MED24: variants seen among roughly 807,000 people sequenced by gnomAD.
MED24 encodes mediator of RNA polymerase II transcription subunit 24.
In MED24, 74 loss-of-function variants were observed where a neutral mutation model predicts 118.8. The ratio of observed to expected loss-of-function variants is 0.62; its 90% CI spans 0.52 to 0.76. The LOEUF (loss-of-function observed/expected upper bound fraction) is 0.76, where lower values mean the gene tolerates loss of function less well. MED24 is among the 30% of genes least tolerant of loss of function. The pLI is 0.00. For missense variants in MED24, 1,041 were observed against 1,278.9 expected (o/e 0.81, Z 2.84); for synonymous variants, 521 against 523.9 (o/e 0.99, Z 0.08).
In MED24 at chr17:40,051,688, C is replaced by T. The variant is rs532775027; in HGVS notation, c.213+1610G>A. Among the ~76,000 whole-genome samples, 8 of 152,128 alleles carry T rather than the reference C, an allele frequency of 5.3e-5. No individual in the cohort carries two copies. The South Asian group carries it at 8.3e-4, about 16-fold the overall frequency. ...CTGCAATCCCAGCACTTTGGGAGGC[C>T]GAGGTGGGTGGATCACCTGAAGTCA... On this transcript the variant is annotated intron_variant, in intron 3 of 25. Transcript: ENST00000394128.
In MED24 at chr17:40,028,867, G is replaced by T. The variant is rs150608790; in HGVS notation, c.1368C>A (p.Ala456=). 3.1e-6 allele frequency: 5 copies of T among 1,613,918 alleles called. No homozygotes were observed. The highest frequency in any genetic ancestry group is 3.3e-4 in the Middle Eastern group (2 of 6,048). Residue 456 remains alanine, a synonymous_variant, in exon 14 of 26, where the codon GCC becomes GCA. Transcript: ENST00000394128. ...CGAAGGATTTCAGCTTTCCAGTGGC[G>T]GCGGCGGCAGCCAGCAGCAAGTCCA... The part of the protein sequence containing the change: ...KSLDLLLAAA[A]ATGKLKSFAR...
At chr17:40,034,173 G>C (rs1337424349) in intron 6 of MED24, among the ~76,000 whole-genome samples, 2 of 152,072 alleles carry the variant, frequency 1.3e-5, no homozygotes, top group African/African-American at 2.4e-5. Context: ...CCTCCATGGA[G>C]CATAAAAGGG....
intron 14 of MED24, 58 bp from the exon 15 acceptor site, chr17:40,028,004 C>T (rs1982903569): frequency 7.7e-6 from 12 of 1,556,572 alleles, no homozygotes; most frequent in East Asian, 4.5e-5. Context: ...AGTAGCTGGG[C>T]GCTGGGGCTA....
At position 40,019,618 on chromosome 17, in the gene MED24, TG is replaced by T. The variant is rs776530262; in HGVS notation, c.2880del (p.Met961CysfsTer53). 1.2e-6 allele frequency: 2 copies of T among 1,603,540 alleles called. No homozygotes were observed. Among genetic ancestry groups the T allele is most frequent in the Non-Finnish European group, 1.7e-6 (2 of 1,173,610 alleles). ...TTVSELVKVS[A>X]MSSPKVVLAI... ...GCCAGAACCACCTTGGGGCTGGACA[TG>T]GCTGACACCTTCACCAGTTCCGACA... On this transcript the variant is annotated frameshift_variant, in exon 26 of 26. Coordinates refer to ENST00000394128, the MANE Select transcript of MED24 (RefSeq NM_014815.4). LOFTEE classifies it high-confidence loss of function.
chr17:40,045,290 A>G (rs745450562), intron 3 of MED24, among the ~76,000 whole-genome samples: 1 of 151,960 alleles, frequency 6.6e-6, no homozygotes, highest in Admixed American at 6.6e-5. Context: ...CTCTACTAAA[A>G]ATAAAAAAAT....
At chr17:40,040,728 C>G (rs1479177793) in intron 3 of MED24, among the ~76,000 whole-genome samples, 1 of 151,722 alleles carries the variant, frequency 6.6e-6, no homozygotes, top group Non-Finnish European at 1.5e-5. Flanking sequence ...AAGCAATTCT[C>G]CTGCCTCAGC....
chr17:40,022,187 C>T (rs1192267203), intron 22 of MED24, 133 bp from the exon 23 acceptor site: 1 of 896,632 alleles, frequency 1.1e-6, no homozygotes, highest in Non-Finnish European at 1.7e-6. Flanking sequence ...CTGCTCAACC[C>T]CTCCCACAAT....
At chr17:40,021,901 C>T (rs1196418517) in intron 23 of MED24, 54 bp downstream of exon 23, 10 of 1,317,286 alleles carry the variant, frequency 7.6e-6, no homozygotes, top group East Asian at 2.5e-5. Flanking sequence ...GTGGCAGCAT[C>T]GGGGAGTGAA....
In MED24 at chr17:40,027,668, G is replaced by A. The variant is rs896205493; in HGVS notation, c.1448-203C>T. The A allele has an allele frequency of 1.8e-5, 12 of 662,862 alleles. No homozygotes were observed. The African/African-American group carries it at 2.0e-4, about 11-fold the overall frequency. The allele number at this position is 662,862 out of a possible 1,614,324, so 41.1% of individuals were successfully genotyped here. A position where few individuals can be genotyped will look rare whatever the true frequency, so the allele number is the denominator to read the frequency against. On this transcript the variant is annotated intron_variant, in intron 15 of 25. Coordinates refer to ENST00000394128, the MANE Select transcript of MED24 (RefSeq NM_014815.4). ...CCAAAGACCCCCAGCACCCTCTCCT[G>A]GCATACCTAACCAAGTCGTAAAGGG... is the stretch of plus-strand genomic sequence containing the variant.
chr17:40,027,301 G>A, intron 16 of MED24, 82 bp downstream of exon 16: 1 of 1,445,434 alleles, frequency 6.9e-7, no homozygotes, highest in Non-Finnish European at 9.4e-7. Flanking sequence ...GAGAGGCTGC[G>A]GGGGCGCAGG....
chr17:40,031,265 T>C lies in MED24; in HGVS notation c.1068-20A>G, dbSNP rs369755239. On this transcript the variant is annotated intron_variant, in intron 11 of 25. Coordinates refer to ENST00000394128, the MANE Select transcript of MED24 (RefSeq NM_014815.4). ...TCACAGCTGTGAGGGAGAAAGATGC[T>C]GAGGGAACTGGGCACCTGGATAGGA... 6.4e-7 allele frequency: 1 copy of C among 1,554,328 alleles called. No individual in the cohort carries two copies. The highest frequency in any genetic ancestry group is 1.4e-5 in the African/African-American group (1 of 73,548).
Position 40,031,530 on chromosome 17 carries a change from G to C in MED24, c.1067+8C>G. On this transcript the variant is annotated splice_region_variant and intron_variant, in intron 11 of 25. Transcript: ENST00000394128. ...CAGTAGGGCGGGGGTGACCAGGGGAGCTCATACTTGCAGCGCTGGTCAGCT... is the reference window on the plus strand; with the variant it reads ...CAGTAGGGCGGGGGTGACCAGGGGACCTCATACTTGCAGCGCTGGTCAGCT... The C allele has an allele frequency of 6.2e-7, 1 of 1,613,248 alleles. No individual in the cohort carries two copies. The highest frequency in any genetic ancestry group is 8.5e-7 in the Non-Finnish European group (1 of 1,179,218).
intron 19 of MED24, 145 bp downstream of exon 19, chr17:40,026,011 T>C: frequency 1.3e-6 from 1 of 788,516 alleles, no homozygotes; most frequent in Non-Finnish European, 2.0e-6. Context: ...CTGAGTCAGA[T>C]GAGTGAATGC....
At chr17:40,042,149 T>G (rs1164598280) in intron 3 of MED24, among the ~76,000 whole-genome samples, 1 of 152,206 alleles carries the variant, frequency 6.6e-6, no homozygotes, top group Non-Finnish European at 1.5e-5. Context: ...CAGAGTGATC[T>G]TTTTAAAATT....
At chr17:40,026,806 T>G (rs1982709662) in intron 17 of MED24, 50 bp downstream of exon 17, 1 of 1,611,066 alleles carries the variant, frequency 6.2e-7, no homozygotes, top group African/African-American at 1.3e-5. Flanking sequence ...GGAGCGGGTC[T>G]TGACCCTGCC....
chr17:40,030,431 A>C (rs1208785482), intron 12 of MED24, among the ~76,000 whole-genome samples: 1 of 150,604 alleles, frequency 6.6e-6, no homozygotes, highest in Non-Finnish European at 1.5e-5. Flanking sequence ...GAGTAGCTGG[A>C]ATTACAGGTG....
intron 19 of MED24, among the ~76,000 whole-genome samples, chr17:40,023,935 G>A (rs190329378): frequency 4.7e-4 from 71 of 152,296 alleles, no homozygotes; most frequent in African/African-American, 1.6e-3. Context: ...ATACAGACCC[G>A]GGCCGAGTGC....
In MED24 at chr17:40,028,983, G is replaced by C. The variant is rs1983047898; in HGVS notation, c.1267-15C>G. On this transcript the variant is annotated splice_polypyrimidine_tract_variant and intron_variant, in intron 13 of 25. Coordinates refer to ENST00000394128, the MANE Select transcript of MED24 (RefSeq NM_014815.4). ...GCATCCATCGTCTGGGGACAGGACA[G>C]GAAATCAAGTCCTGAAGAACACTGA... 3 of 1,614,118 alleles carry C rather than the reference G, an allele frequency of 1.9e-6. No individual in the cohort carries two copies. The highest frequency in any genetic ancestry group is 2.5e-6 in the Non-Finnish European group (3 of 1,179,990).
intron 8 of MED24, 91 bp downstream of exon 8, chr17:40,032,965 C>T: frequency 1.3e-6 from 2 of 1,541,808 alleles, no homozygotes; most frequent in East Asian, 2.3e-5. Flanking sequence ...AGAAACCCCA[C>T]TTCTCCCAGG....
Sources: gnomAD v4.1 joint callset for allele counts (sites outside exome capture counted in the v4.1 genomes callset) on GRCh38, gnomAD v4.1.1 for gene constraint, MANE v1.5 for transcripts, NCBI Gene and HGNC (gene_info 2026-07-23, HGNC 2026-07-21) for gene names.